TRPC7: variants seen among roughly 807,000 people sequenced by gnomAD.
TRPC7 encodes the protein short transient receptor potential channel 7.
TRPC7 carries 42 observed loss-of-function variants against 90.1 expected under a neutral mutation model. The observed-to-expected ratio is 0.47, with a 90% CI of 0.36 to 0.60. TRPC7 has a LOEUF of 0.60. TRPC7 is among the 20% of genes least tolerant of loss of function. The pLI, the probability that TRPC7 is intolerant of heterozygous loss-of-function variation, is 0.00. For synonymous variants in TRPC7, 451 were observed against 436.3 expected, an observed-to-expected ratio of 1.03 and a Z score of -0.42; for missense variants, 955 against 1,112.3, an observed-to-expected ratio of 0.86 and a Z score of 2.01.
chr5:136,364,586 T>C (rs2149866933), intron 1 of TRPC7, among the ~76,000 whole-genome samples: 1 of 152,268 alleles, frequency 6.6e-6, no homozygotes, highest in Middle Eastern at 3.4e-3. Flanking sequence ...CCATTACGCC[T>C]CTAAATTATA....
intron 5 of TRPC7, among the ~76,000 whole-genome samples, chr5:136,260,859 AG>A (rs1287754513): frequency 6.6e-6 from 1 of 152,222 alleles, no homozygotes; most frequent in Non-Finnish European, 1.5e-5. Flanking sequence ...TGGACTTGTT[AG>A]GGTCCTGAGG....
intron 3 of TRPC7, among the ~76,000 whole-genome samples, chr5:136,287,727 A>C (rs1321043520): frequency 3.0e-5 from 4 of 134,976 alleles, no homozygotes; most frequent in African/African-American, 8.6e-5. Context: ...AAAAAAAAAA[A>C]AACCCAGAAA....
chr5:136,307,388 GTAT>G (rs1040969131), intron 3 of TRPC7, among the ~76,000 whole-genome samples: 3 of 152,080 alleles, frequency 2.0e-5, no homozygotes, highest in African/African-American at 7.2e-5. Context: ...AGATCATGTG[GTAT>G]TTGTCTTTCT....
intron 7 of TRPC7, among the ~76,000 whole-genome samples, chr5:136,246,650 C>T (rs956659484): frequency 6.6e-6 from 1 of 152,218 alleles, no homozygotes. Context: ...TCTTCCCATT[C>T]TTCACTTTCC....
In TRPC7 at chr5:136,247,219, A is replaced by G. The variant is rs985595041; in HGVS notation, c.1844+252T>C. Among the ~76,000 whole-genome samples, 12 of 126,248 alleles carry G rather than the reference A, an allele frequency of 9.5e-5. No homozygotes were observed. The highest frequency in any genetic ancestry group is 3.4e-4 in the African/African-American group (11 of 32,268). 82.8% of individuals were successfully genotyped at this position (126,248 alleles called of 152,430 possible). On this transcript the variant is annotated intron_variant, in intron 7 of 11. Transcript: ENST00000513104. This position sits in a 1 kb window ranked among gnomAD's most constrained non-coding sequence, Gnocchi z 4.2. ...ATCCTAGAAAACGTAGCATTCCTAC[A>G]TGTGATTTTTTTTTTTCTAAATGGG...
chr5:136,243,003 C>T (rs867798552), intron 7 of TRPC7, among the ~76,000 whole-genome samples: 5 of 152,072 alleles, frequency 3.3e-5, no homozygotes, highest in Admixed American at 6.5e-5. Context: ...TGGGAGTGGC[C>T]GGAGGGAGGC....
intron 2 of TRPC7, among the ~76,000 whole-genome samples, chr5:136,339,121 C>T (rs1204870249): frequency 6.6e-6 from 1 of 152,146 alleles, no homozygotes; most frequent in Non-Finnish European, 1.5e-5. Flanking sequence ...ATCTTGATAA[C>T]TACCTGAAGG....
At chr5:136,263,333 A>G (rs1756918709) in intron 5 of TRPC7, among the ~76,000 whole-genome samples, 1 of 152,236 alleles carries the variant, frequency 6.6e-6, no homozygotes, top group Non-Finnish European at 1.5e-5. Flanking sequence ...GTGGCATAAC[A>G]GCCTGTCAGA....
At chr5:136,360,801 A>G (rs535751286) in intron 1 of TRPC7, among the ~76,000 whole-genome samples, 2 of 152,308 alleles carry the variant, frequency 1.3e-5, no homozygotes, top group East Asian at 3.9e-4. Flanking sequence ...CTATGAAGCC[A>G]TGAGAATTGA....
intron 4 of TRPC7, among the ~76,000 whole-genome samples, chr5:136,266,800 T>G (rs1757048144): frequency 6.6e-6 from 1 of 152,198 alleles, no homozygotes; most frequent in Admixed American, 6.5e-5. Flanking sequence ...GAGTGCTCGG[T>G]TTTTGTTTAA....
At chr5:136,359,735 G>T (rs558088130) in intron 1 of TRPC7, among the ~76,000 whole-genome samples, 2 of 151,888 alleles carry the variant, frequency 1.3e-5, no homozygotes, top group Non-Finnish European at 2.9e-5. Context: ...CTTTGTTTCA[G>T]GAGATGTAAT....
intron 2 of TRPC7, among the ~76,000 whole-genome samples, chr5:136,335,265 T>C (rs748483851): frequency 2.6e-5 from 4 of 152,092 alleles, no homozygotes; most frequent in Non-Finnish European, 4.4e-5. Context: ...TCTACCCTGG[T>C]AAGTCCTGCA....
At chr5:136,218,153 A>G (rs975597765) in intron 10 of TRPC7, among the ~76,000 whole-genome samples, 4 of 146,328 alleles carry the variant, frequency 2.7e-5, no homozygotes, top group Non-Finnish European at 4.5e-5. Context: ...TTTGAGATAT[A>G]TATAAAATAT....
intron 1 of TRPC7, among the ~76,000 whole-genome samples, chr5:136,359,331 C>G (rs540972847): frequency 6.6e-6 from 1 of 152,216 alleles, no homozygotes; most frequent in African/African-American, 2.4e-5. Flanking sequence ...TTTATCTGCA[C>G]AAAATAAAAA....
chr5:136,352,604 A>G (rs1336611551), intron 2 of TRPC7, among the ~76,000 whole-genome samples: 1 of 152,176 alleles, frequency 6.6e-6, no homozygotes, highest in Non-Finnish European at 1.5e-5. Flanking sequence ...GTGCCTCTAC[A>G]CAGAGAGCGC....
intron 3 of TRPC7, among the ~76,000 whole-genome samples, chr5:136,275,627 C>G (rs899373713): frequency 6.6e-6 from 1 of 152,112 alleles, no homozygotes; most frequent in Non-Finnish European, 1.5e-5. Context: ...CTGTTCTGCC[C>G]TAATGCTTAG....
At chr5:136,330,455 A>G (rs1759465462) in intron 2 of TRPC7, among the ~76,000 whole-genome samples, 1 of 152,242 alleles carries the variant, frequency 6.6e-6, no homozygotes, top group African/African-American at 2.4e-5. Flanking sequence ...AGCTCACTCC[A>G]GAGTCCATGA....
At chr5:136,348,916 G>A (rs577346774) in intron 2 of TRPC7, among the ~76,000 whole-genome samples, 12 of 152,094 alleles carry the variant, frequency 7.9e-5, no homozygotes, top group African/African-American at 2.9e-4. Context: ...TCTCTGCATT[G>A]CCATTTGATT....
chr5:136,298,671 T>C (rs1232312563), intron 3 of TRPC7, among the ~76,000 whole-genome samples: 1 of 152,082 alleles, frequency 6.6e-6, no homozygotes, highest in Non-Finnish European at 1.5e-5. Context: ...CCCCCTTGCC[T>C]TAACATGGGA....
Sources: gnomAD v4.1 joint callset for allele counts (sites outside exome capture counted in the v4.1 genomes callset) on GRCh38, gnomAD v4.1.1 for gene constraint, Gnocchi (gnomAD v3.1) non-coding constraint, MANE v1.5 for transcripts, NCBI Gene and HGNC (gene_info 2026-07-23, HGNC 2026-07-21) for gene names.